The following RASGRF2 variants were observed in gnomAD, a reference collection of about 807,000 sequenced individuals.
RASGRF2 encodes Ras protein specific guanine nucleotide releasing factor 2, also known as ras-specific guanine nucleotide-releasing factor 2.
Under a neutral mutation model 151.0 loss-of-function variants are expected in RASGRF2, and 76 were observed. The observed-to-expected ratio is 0.50, with a 90% CI of 0.42 to 0.61. RASGRF2 has a LOEUF of 0.61. Ranked by LOEUF, RASGRF2 falls within the 20% of genes least tolerant of loss-of-function variation. The pLI is 0.00. For synonymous variants in RASGRF2, 504 were observed against 566.5 expected, an observed-to-expected ratio of 0.89 and a Z score of 1.57; for missense variants, 1,148 against 1,564.6, an observed-to-expected ratio of 0.73 and a Z score of 4.49.
At chr5:81,213,628 C>T (rs1399290346) in intron 23 of RASGRF2, among the ~76,000 whole-genome samples, 1 of 152,120 alleles carries the variant, frequency 6.6e-6, no homozygotes, top group Non-Finnish European at 1.5e-5. Context: ...ATTTCTTTTC[C>T]ATCTTCATTT....
intron 17 of RASGRF2, among the ~76,000 whole-genome samples, chr5:81,166,378 G>A (rs895605433): frequency 6.6e-6 from 1 of 152,024 alleles, no homozygotes; most frequent in African/African-American, 2.4e-5. Flanking sequence ...AGTAGAGACA[G>A]GGTTTCACCA....
chr5:81,038,410 AT>A (rs147940613), intron 1 of RASGRF2, among the ~76,000 whole-genome samples: 17,286 of 150,032 alleles, frequency 0.12, 1,247 homozygotes, highest in Non-Finnish European at 0.16. Context: ...ATGAACTGTT[AT>A]TTTTTTTTAG....
intron 22 of RASGRF2, among the ~76,000 whole-genome samples, chr5:81,208,676 C>A (rs916019720): frequency 6.7e-6 from 1 of 149,744 alleles, no homozygotes; most frequent in Non-Finnish European, 1.5e-5. Flanking sequence ...CTCAGCCTCC[C>A]GAGTAGCTGG....
chr5:80,995,691 C>CGG (rs1554083704), intron 1 of RASGRF2, among the ~76,000 whole-genome samples: 1 of 129,880 alleles, frequency 7.7e-6, no homozygotes, highest in African/African-American at 3.0e-5. Context: ...CCTTCCCCCC[C>CGG]CCTTTTTTTT....
chr5:81,180,712 C>T (rs939825684), intron 18 of RASGRF2, among the ~76,000 whole-genome samples: 1 of 140,556 alleles, frequency 7.1e-6, no homozygotes. Context: ...CACGGTCCCC[C>T]CTGGAGGTAA....
intron 2 of RASGRF2, among the ~76,000 whole-genome samples, chr5:81,045,238 A>G (rs1750799307): frequency 6.6e-6 from 1 of 152,214 alleles, no homozygotes; most frequent in African/African-American, 2.4e-5. Flanking sequence ...CCTAGGAGTT[A>G]AAATACATAA....
intron 17 of RASGRF2, among the ~76,000 whole-genome samples, chr5:81,160,191 G>A (rs1448272824): frequency 6.6e-6 from 1 of 152,144 alleles, no homozygotes; most frequent in Non-Finnish European, 1.5e-5. Flanking sequence ...AGGCCAAGGC[G>A]GGTGGATCAC....
chr5:81,138,524 G>A lies in RASGRF2; in HGVS notation c.2686+11361G>A, dbSNP rs115564889. On this transcript the variant is annotated intron_variant, in intron 17 of 26. Coordinates refer to ENST00000265080, the MANE Select transcript of RASGRF2 (RefSeq NM_006909.3). ...TTACTCTTCCCCTCTCCCTGCAAGA[G>A]CCATGAAGAGATCTTTCTCCGGTGT... is the stretch of plus-strand genomic sequence containing the variant. Among the ~76,000 whole-genome samples the A allele has an allele frequency of 3.2e-3, 490 of 152,256 alleles. 2 individuals are homozygous for A. Among genetic ancestry groups the A allele is most frequent in the African/African-American group, 0.012 (482 of 41,530 alleles).
intron 17 of RASGRF2, among the ~76,000 whole-genome samples, chr5:81,173,975 A>G (rs774125328): frequency 6.6e-6 from 1 of 152,258 alleles, no homozygotes; most frequent in Non-Finnish European, 1.5e-5. Context: ...GATAGAAGGA[A>G]AGTGTAAGAA....
chr5:80,984,121 C>T (rs1020437324), intron 1 of RASGRF2, among the ~76,000 whole-genome samples: 3 of 152,088 alleles, frequency 2.0e-5, no homozygotes, highest in African/African-American at 2.4e-5. Flanking sequence ...AGTGTAGTGG[C>T]GTGACCTTGG....
intron 1 of RASGRF2, among the ~76,000 whole-genome samples, chr5:81,024,249 ATTTTTTTTTT>A (rs397884951): frequency 1.4e-4 from 10 of 71,684 alleles, no homozygotes; most frequent in East Asian, 4.0e-4. Flanking sequence ...TATTCATATA[ATTTTTTTTTT>A]TTTTTTTTTT....
At chr5:81,220,040 T>C (rs1755824795) in intron 26 of RASGRF2, among the ~76,000 whole-genome samples, 1 of 152,154 alleles carries the variant, frequency 6.6e-6, no homozygotes, top group Non-Finnish European at 1.5e-5. Context: ...TGGTCCAAGC[T>C]GCCGATATCT....
intron 1 of RASGRF2, among the ~76,000 whole-genome samples, chr5:80,985,943 GTA>G (rs1395318523): frequency 6.6e-6 from 1 of 151,990 alleles, no homozygotes; most frequent in African/African-American, 2.4e-5. Context: ...GTGTGTGTGT[GTA>G]TGTGTGTGTA....
chr5:80,982,369 C>T (rs1748329457), intron 1 of RASGRF2, among the ~76,000 whole-genome samples: 1 of 152,044 alleles, frequency 6.6e-6, no homozygotes, highest in Admixed American at 6.6e-5. Flanking sequence ...GAAGACCTTT[C>T]TGGCTTTGTG....
At chr5:81,093,057 T>A in intron 10 of RASGRF2, 96 bp downstream of exon 10, 1 of 1,280,544 alleles carries the variant, frequency 7.8e-7, no homozygotes, top group Middle Eastern at 2.0e-4. Flanking sequence ...GGTATTATCA[T>A]AAAACAGATT....
intron 2 of RASGRF2, 32 bp from the exon 3 acceptor site, chr5:81,068,000 C>G: frequency 6.4e-7 from 1 of 1,558,042 alleles, no homozygotes; most frequent in Non-Finnish European, 8.7e-7. Context: ...AGAACAATAT[C>G]TCAATGACTA....
intron 13 of RASGRF2, among the ~76,000 whole-genome samples, chr5:81,111,883 G>A (rs961580958): frequency 3.3e-5 from 5 of 152,166 alleles, no homozygotes; most frequent in Admixed American, 1.3e-4. Context: ...AAATAACTGC[G>A]GATATAGCAG....
intron 18 of RASGRF2, among the ~76,000 whole-genome samples, chr5:81,190,812 T>G (rs1185636772): frequency 1.3e-5 from 2 of 152,234 alleles, no homozygotes; most frequent in African/African-American, 4.8e-5. Context: ...GAAGTGTGCC[T>G]TCAATGGCAC....
intron 2 of RASGRF2, among the ~76,000 whole-genome samples, chr5:81,063,358 T>A (rs528641743): frequency 6.6e-6 from 1 of 152,218 alleles, no homozygotes; most frequent in South Asian, 2.1e-4. Flanking sequence ...ATGATTCTCC[T>A]GCCTCAGCCT....
Sources: allele counts gnomAD v4.1 joint callset (sites outside exome capture counted in the v4.1 genomes callset), GRCh38; gene constraint gnomAD v4.1.1; transcripts MANE v1.5; gene names NCBI Gene and HGNC (gene_info 2026-07-23, HGNC 2026-07-21).